PYCR1: variants seen among roughly 807,000 people sequenced by gnomAD.
The protein encoded by PYCR1 is pyrroline-5-carboxylate reductase 1, mitochondrial.
A neutral mutation model predicts 22.9 loss-of-function variants in PYCR1; 19 were observed. The observed-to-expected ratio is 0.83, with a 90% CI of 0.58 to 1.22. PYCR1 has a LOEUF of 1.22. PYCR1 is among the 50% of genes most tolerant of loss of function. PYCR1 has a pLI of 0.00. For missense variants in PYCR1, 429 were observed against 431.3 expected (o/e 0.99, Z 0.05); for synonymous variants, 175 against 180.5 (o/e 0.97, Z 0.24).
intron 6 of PYCR1, among the ~76,000 whole-genome samples, chr17:81,933,833 G>A (rs936212809): frequency 2.0e-5 from 3 of 152,266 alleles, no homozygotes; most frequent in Non-Finnish European, 4.4e-5. Flanking sequence ...CCTTTGACCA[G>A]CTGTGGGATC....
At chr17:81,934,867 G>C in intron 4 of PYCR1, 59 bp downstream of exon 4, 1 of 1,587,854 alleles carries the variant, frequency 6.3e-7, no homozygotes, top group African/African-American at 1.3e-5. Context: ...AGCAGGGACA[G>C]ATGTGCCCGG....
At position 81,932,839 on chromosome 17, in the gene PYCR1, C is replaced by T. The variant is rs937853428; in HGVS notation, c.*375G>A. On this transcript the variant is annotated 3_prime_UTR_variant, in exon 7 of 7. Transcript: ENST00000329875. ...GCCGGGAGGGGGCGTGGGATCCCACCTCTGCTGAGCCTTCACAGAGGGGGT... is the reference window on the plus strand; with the variant it reads ...GCCGGGAGGGGGCGTGGGATCCCACTTCTGCTGAGCCTTCACAGAGGGGGT... 1.3e-6 allele frequency: 2 copies of T among 1,586,710 alleles called. No homozygotes were observed. The highest frequency in any genetic ancestry group is 2.3e-5 in the East Asian group (1 of 43,706).
At chr17:81,935,581 G>GCC in intron 2 of PYCR1, 65 bp from the exon 3 acceptor site, 1 of 1,173,196 alleles carries the variant, frequency 8.5e-7, no homozygotes, top group Non-Finnish European at 1.2e-6. Flanking sequence ...CAAGCCAAGA[G>GCC]CCCCACAGGT....
chr17:81,932,886 A>G lies in PYCR1; in HGVS notation c.*328T>C, dbSNP rs1048972942. On this transcript the variant is annotated 3_prime_UTR_variant, in exon 7 of 7. Transcript: ENST00000329875. ...GGGTCCTTGACCTTTGCTCTCAGGA[A>G]GGAGCCCGTGCCAGCTGATACTGGA... 1.2e-6 allele frequency: 2 copies of G among 1,609,334 alleles called. No individual in the cohort carries two copies. Among genetic ancestry groups the G allele is most frequent in the Admixed American group, 1.7e-5 (1 of 59,544 alleles).
chr17:81,932,848 G>A lies in PYCR1; in HGVS notation c.*366C>T. On this transcript the variant is annotated 3_prime_UTR_variant, in exon 7 of 7. Coordinates refer to ENST00000329875, the MANE Select transcript of PYCR1 (RefSeq NM_006907.4). ...GGGCGTGGGATCCCACCTCTGCTGAGCCTTCACAGAGGGGGTCCTTGACCT... is the reference window on the plus strand; with the variant it reads ...GGGCGTGGGATCCCACCTCTGCTGAACCTTCACAGAGGGGGTCCTTGACCT... The A allele has an allele frequency of 6.3e-7, 1 of 1,593,850 alleles. No individual in the cohort carries two copies. The highest frequency in any genetic ancestry group is 8.5e-7 in the Non-Finnish European group (1 of 1,171,360).
chr17:81,934,847 T>C, intron 4 of PYCR1, 79 bp downstream of exon 4: 1 of 1,563,878 alleles, frequency 6.4e-7, no homozygotes, highest in Non-Finnish European at 8.7e-7. Context: ...ACCCTGGCCC[T>C]CCCAGGGGGA....
chr17:81,933,179 AAGGTGGTGGCAGGATGGTGGTC>A lies in PYCR1; in HGVS notation c.*13_*34del. 6.2e-7 allele frequency: 1 copy of A among 1,612,496 alleles called. No homozygotes were observed. The highest frequency in any genetic ancestry group is 8.5e-7 in the Non-Finnish European group (1 of 1,179,644). Reference sequence around the variant, plus strand: ...AGTCCCCCTAGTGACAAGAGAAGAGAAGGTGGTGGCAGGATGGTGGTCAGGCAGGACGTGTCAATCCTTGCCC... The same window carrying A: ...AGTCCCCCTAGTGACAAGAGAAGAGAAGGCAGGACGTGTCAATCCTTGCCC... On this transcript the variant is annotated 3_prime_UTR_variant, in exon 7 of 7. Transcript: ENST00000329875.
At position 81,937,070 on chromosome 17, in the gene PYCR1, G is replaced by C. The variant is rs1220957790; in HGVS notation, c.-256C>G. On this transcript the variant is annotated 5_prime_UTR_variant, in exon 1 of 7. Transcript: ENST00000329875. Reference sequence around the variant, plus strand: ...GGGTCCCGCACCCACTGGAGGGGTGGAGGTTCCGCAGAAGAAATGACTGGG... The same window carrying C: ...GGGTCCCGCACCCACTGGAGGGGTGCAGGTTCCGCAGAAGAAATGACTGGG... 1 of 1,430,614 alleles carries C rather than the reference G, an allele frequency of 7.0e-7. No homozygotes were observed. Among genetic ancestry groups the C allele is most frequent in the Non-Finnish European group, 9.1e-7 (1 of 1,095,226 alleles). The allele number at this position is 1,430,614 out of a possible 1,614,324, so 88.6% of individuals were successfully genotyped here.
chr17:81,935,200 A>G, intron 3 of PYCR1, 53 bp from the exon 4 acceptor site: 1 of 1,569,124 alleles, frequency 6.4e-7, no homozygotes, highest in East Asian at 2.3e-5. Context: ...GCCTAGATGC[A>G]CTCACCCCAC....
intron 2 of PYCR1, 64 bp from the exon 3 acceptor site, chr17:81,935,580 AG>A: frequency 8.2e-7 from 1 of 1,218,044 alleles, no homozygotes. Flanking sequence ...CCAAGCCAAG[AG>A]CCCCACAGGT....
chr17:81,936,727 G>A (rs1479105068), intron 1 of PYCR1, 21 bp downstream of exon 1: 26 of 1,594,570 alleles, frequency 1.6e-5, no homozygotes, highest in South Asian at 2.3e-5. Context: ...GGGCCTCACC[G>A]TCCCCCACCT....
Position 81,937,262 on chromosome 17 carries a change from C to T in PYCR1, c.-448G>A, listed in dbSNP as rs2041227517. ...GCTACCGTGCGCGGGTCGTACCCAC[C>T]CCTCAGCGCTGCGGCCGCCACGCGG... On this transcript the variant is annotated 5_prime_UTR_variant, in exon 1 of 7. Transcript: ENST00000329875. 8 of 1,255,226 alleles carry T rather than the reference C, an allele frequency of 6.4e-6. No homozygotes were observed. The highest frequency in any genetic ancestry group is 3.2e-5 in the East Asian group (1 of 31,642). The allele number at this position is 1,255,226 out of a possible 1,614,324, so 77.8% of individuals were successfully genotyped here. A position where few individuals can be genotyped will look rare whatever the true frequency, so the allele number is the denominator to read the frequency against.
In PYCR1 at chr17:81,932,985, GAAGA is replaced by G; in HGVS notation, c.*225_*228del. On this transcript the variant is annotated 3_prime_UTR_variant, in exon 7 of 7. Transcript: ENST00000329875. Reference sequence around the variant, plus strand: ...GGTCCTGACATGGTTTGGGAGCAGAGAAGAAAGGAGGTTGAGGTTGGGGAATCCA... The same window carrying G: ...GGTCCTGACATGGTTTGGGAGCAGAGAAGGAGGTTGAGGTTGGGGAATCCA... 1 of 1,605,688 alleles carries G rather than the reference GAAGA, an allele frequency of 6.2e-7. No individual in the cohort carries two copies. The highest frequency in any genetic ancestry group is 8.5e-7 in the Non-Finnish European group (1 of 1,176,990).
chr17:81,934,898 C>T lies in PYCR1; in HGVS notation c.540+28G>A, dbSNP rs112867748. The T allele has an allele frequency of 6.2e-4, 997 of 1,608,092 alleles. 4 individuals carry two copies. In the African/African-American group the frequency reaches 0.012, roughly 19 times the overall value. ...CCCGGTGGTCCCGGGAAGTGCCCGC[C>T]GCCGCCAGCTTCCCCCGCAGTCCTT... On this transcript the variant is annotated intron_variant, in intron 4 of 6. Transcript: ENST00000329875.
rs1463979963 is a variant in PYCR1, at chr17:81,937,161, C to G, written c.-347G>C. Reference sequence around the variant, plus strand: ...GGGGTCCCCCGTCTGGGTTCCCACCCCGCCCAGAACTGGGCTACCGTCGCG... The same window carrying G: ...GGGGTCCCCCGTCTGGGTTCCCACCGCGCCCAGAACTGGGCTACCGTCGCG... On this transcript the variant is annotated 5_prime_UTR_variant, in exon 1 of 7. Transcript: ENST00000329875. 3 of 1,443,338 alleles carry G rather than the reference C, an allele frequency of 2.1e-6. No homozygotes were observed. The African/African-American group carries it at 4.3e-5, about 21-fold the overall frequency. The allele number at this position is 1,443,338 out of a possible 1,614,324, so 89.4% of individuals were successfully genotyped here. A position where few individuals can be genotyped will look rare whatever the true frequency, so the allele number is the denominator to read the frequency against.
chr17:81,934,875 C>T (rs538959517), intron 4 of PYCR1, 51 bp downstream of exon 4: 10 of 1,593,976 alleles, frequency 6.3e-6, no homozygotes, highest in East Asian at 4.6e-5. Context: ...CAGATGTGCC[C>T]GGTGGTCCCG....
chr17:81,936,726 C>T (rs2041206137), intron 1 of PYCR1, 22 bp downstream of exon 1: 1 of 1,592,694 alleles, frequency 6.3e-7, no homozygotes, highest in Non-Finnish European at 8.5e-7. Context: ...TGGGCCTCAC[C>T]GTCCCCCACC....
In PYCR1 at chr17:81,934,453, G is replaced by C; in HGVS notation, c.670C>G (p.Pro224Ala). 1 of 1,609,866 alleles carries C rather than the reference G, an allele frequency of 6.2e-7. No individual in the cohort carries two copies. Among genetic ancestry groups the C allele is most frequent in the African/African-American group, 1.3e-5 (1 of 75,036 alleles). Residue 224 changes from proline to alanine, a missense_variant, in exon 6 of 7, where the codon CCA becomes GCA. Transcript: ENST00000329875. The stretch of plus-strand genomic sequence containing the variant: ...CTGACGTTGTCCTTGAGCTGGCCTG[G>C]GTGCTGTTCTGAGTGCAGCAGCATC... Reference protein sequence around the residue: ...AKMLLHSEQHPGQLKDNVSSP... With the variant: ...AKMLLHSEQHAGQLKDNVSSP...
intron 2 of PYCR1, 142 bp from the exon 3 acceptor site, chr17:81,935,658 C>G (rs1598356628): frequency 2.6e-6 from 2 of 772,322 alleles, no homozygotes; most frequent in African/African-American, 1.7e-5. Context: ...CTGACCACCC[C>G]CTTGATGACC....
Sources: gnomAD v4.1 joint callset for allele counts (sites outside exome capture counted in the v4.1 genomes callset) on GRCh38, gnomAD v4.1.1 for gene constraint, MANE v1.5 for transcripts, NCBI Gene and HGNC (gene_info 2026-07-23, HGNC 2026-07-21) for gene names.